The following GADD45G variants were observed in gnomAD, a reference collection of about 807,000 sequenced individuals.
GADD45G encodes the protein growth arrest and DNA damage inducible gamma.
GADD45G carries 7 observed loss-of-function variants against 17.3 expected under a neutral mutation model. The ratio of observed to expected loss-of-function variants is 0.41; its 90% CI spans 0.23 to 0.76. The LOEUF (loss-of-function observed/expected upper bound fraction) is 0.76, where lower values mean the gene tolerates loss of function less well. Ranked by LOEUF, GADD45G falls within the 30% of genes least tolerant of loss-of-function variation. The probability of loss-of-function intolerance (pLI) is 0.34; values close to 1 mark genes in which losing one functional copy is unlikely to be tolerated. For missense variants in GADD45G, 149 were observed against 219.2 expected (o/e 0.68, Z 2.02); for synonymous variants, 93 against 94.9 (o/e 0.98, Z 0.12).
In GADD45G at chr9:89,605,396, G is replaced by A. The variant is rs1468538323; in HGVS notation, c.54-36G>A. ...GGCTGGGGTCTCCGCCGCGCCCTCC[G>A]GCCGGCTCCCGCTCACTGCGCTGGC... On this transcript the variant is annotated intron_variant, in intron 1 of 3. Transcript: ENST00000252506. 5 of 1,484,174 alleles carry A rather than the reference G, an allele frequency of 3.4e-6. No individual in the cohort carries two copies. The Admixed American group carries it at 5.9e-5, about 18-fold the overall frequency. 91.9% of individuals were successfully genotyped at this position (1,484,174 alleles called of 1,614,324 possible). A position where few individuals can be genotyped will look rare whatever the true frequency, so the allele number is the denominator to read the frequency against.
chr9:89,606,200 G>C lies in GADD45G; in HGVS notation c.*121G>C, dbSNP rs370717452. The C allele has an allele frequency of 9.5e-5, 71 of 749,896 alleles. No individual in the cohort carries two copies. The highest frequency in any genetic ancestry group is 7.3e-5 in the Admixed American group (3 of 41,070). 46.5% of individuals were successfully genotyped at this position (749,896 alleles called of 1,614,324 possible). The stretch of plus-strand genomic sequence containing the variant: ...AGTGCGGCGTGGAGACTGGCAGGCG[G>C]GGGGGGCGCCTGGAGAGCGAGGAGG... On this transcript the variant is annotated 3_prime_UTR_variant, in exon 4 of 4. Coordinates refer to ENST00000252506, the MANE Select transcript of GADD45G (RefSeq NM_006705.4).
Position 89,605,510 on chromosome 9 carries a change from C to G in GADD45G, c.132C>G (p.Tyr44Ter). Reference sequence around the variant, plus strand: ...AGGGCTGCCTCACTGCCGGCGTCTACGAGTCAGCCAAAGTCTTGAACGTGT... The same window carrying G: ...AGGGCTGCCTCACTGCCGGCGTCTAGGAGTCAGCCAAAGTCTTGAACGTGT... ...QRQGCLTAGVYESAKVLNVDP... is the reference protein window; with the variant it reads ...QRQGCLTAGV The change falls in exon 2 of 4, where the codon TAC becomes TAG. Residue 44 changes from tyrosine (Y) to a stop codon, truncating the protein, a stop_gained. Transcript: ENST00000252506. LOFTEE classifies it high-confidence loss of function. 1 of 1,562,242 alleles carries G rather than the reference C, an allele frequency of 6.4e-7. No homozygotes were observed. Among genetic ancestry groups the G allele is most frequent in the Non-Finnish European group, 8.7e-7 (1 of 1,152,330 alleles).
rs527819772 is a variant in GADD45G at position 89,605,078 on chromosome 9, C to A, written c.-44C>A. On this transcript the variant is annotated 5_prime_UTR_variant, in exon 1 of 4. Coordinates refer to ENST00000252506, the MANE Select transcript of GADD45G (RefSeq NM_006705.4). ...TCAGTGTGTTCGCCCGCGTCCCCTCCGCGCTCTCCGCTTGTGGATAACTAG... is the reference window on the plus strand; with the variant it reads ...TCAGTGTGTTCGCCCGCGTCCCCTCAGCGCTCTCCGCTTGTGGATAACTAG... 5.2e-6 allele frequency: 8 copies of A among 1,552,350 alleles called. No homozygotes were observed. The South Asian group carries it at 9.0e-5, about 18-fold the overall frequency.
At position 89,606,477 on chromosome 9, in the gene GADD45G, C is replaced by T. The variant is rs906869197; in HGVS notation, c.*398C>T. The stretch of plus-strand genomic sequence containing the variant: ...AGCCGACTGCGCTGCTTTTTCAAAA[C>T]GGATCCGGGCAATGCTTCGTTTTCT... On this transcript the variant is annotated 3_prime_UTR_variant, in exon 4 of 4. Coordinates refer to ENST00000252506, the MANE Select transcript of GADD45G (RefSeq NM_006705.4). 8.7e-6 allele frequency: 2 copies of T among 230,422 alleles called. No individual in the cohort carries two copies. Among genetic ancestry groups the T allele is most frequent in the Admixed American group, 5.1e-5 (1 of 19,590 alleles). 14.3% of individuals were successfully genotyped at this position (230,422 alleles called of 1,614,324 possible).
chr9:89,605,852 C>T lies in GADD45G; in HGVS notation c.341C>T (p.Pro114Leu). ...GGCGCCGGCGAGGAGGCGGGTGCGC[C>T]GGGCGACCTGCACTGCATCCTCATT... The part of the protein sequence containing the change: ...IVGAGEEAGA[P>L]GDLHCILISN... The change falls in exon 3 of 4, where the codon CCG becomes CTG. Residue 114 changes from proline (P) to leucine (L), a missense_variant. Physicochemically the swap from Pro to Leu is moderately conservative, Grantham distance 98. Transcript: ENST00000252506. 2 of 1,612,264 alleles carry T rather than the reference C, an allele frequency of 1.2e-6. No individual in the cohort carries two copies. The highest frequency in any genetic ancestry group is 8.5e-7 in the Non-Finnish European group (1 of 1,179,328).
At position 89,605,892 on chromosome 9, in the gene GADD45G, C is replaced by CCCGTCCT. The variant is rs942749668; in HGVS notation, c.369+13_369+19dup. The stretch of plus-strand genomic sequence containing the variant: ...GCATCCTCATTTCGGTGAGTACAGT[C>CCCGTCCT]CCGTCCTGTCCCCGCCCCAGTGTCG... On this transcript the variant is annotated intron_variant, in intron 3 of 3. Transcript: ENST00000252506. 6.3e-7 allele frequency: 1 copy of CCCGTCCT among 1,596,034 alleles called. No individual in the cohort carries two copies. The highest frequency in any genetic ancestry group is 1.3e-5 in the African/African-American group (1 of 74,630).
Position 89,605,786 on chromosome 9 carries a change from T to A in GADD45G, c.275T>A (p.Ile92Lys). The A allele has an allele frequency of 6.2e-7, 1 of 1,613,970 alleles. No individual in the cohort carries two copies. The highest frequency in any genetic ancestry group is 8.5e-7 in the Non-Finnish European group (1 of 1,179,958). The change falls in exon 3 of 4, where the codon ATA becomes AAA. Residue 92 changes from isoleucine (I) to lysine (K), a missense_variant. Ile to Lys is a moderately radical substitution (Grantham distance 102, BLOSUM62 -3). Transcript: ENST00000252506. ...TTCTGCTGCGAGAACGACATCGACA[T>A]AGTGCGCGTGGGCGATGTGCAGCGG... ...QAFCCENDIDIVRVGDVQRLA... is the reference protein window; with the variant it reads ...QAFCCENDIDKVRVGDVQRLA...
rs1253098502 is a variant in GADD45G at position 89,606,279 on chromosome 9, G to A, written c.*200G>A. ...CGGCAGGGCCAGGCTGGTCCGAGCT[G>A]AGGACTCTGCAAGTGTCTGGAGCGG... On this transcript the variant is annotated 3_prime_UTR_variant, in exon 4 of 4. Transcript: ENST00000252506. The A allele has an allele frequency of 3.3e-6, 2 of 602,416 alleles. No individual in the cohort carries two copies. Among genetic ancestry groups the A allele is most frequent in the African/African-American group, 3.7e-5 (2 of 53,604 alleles). 37.3% of individuals were successfully genotyped at this position (602,416 alleles called of 1,614,324 possible). A position where few individuals can be genotyped will look rare whatever the true frequency, so the allele number is the denominator to read the frequency against.
At chr9:89,605,606 G>T (rs1409401485) in intron 2 of GADD45G, 61 bp from the exon 3 acceptor site, 2 of 1,558,072 alleles carry the variant, frequency 1.3e-6, no homozygotes, top group Non-Finnish European at 1.7e-6. Context: ...GGATGGGAGG[G>T]GTGGCGGCGG....
In GADD45G at chr9:89,605,980, G is replaced by A. The variant is rs1165372038; in HGVS notation, c.381G>A (p.Glu127=). Residue 127 remains glutamate, a synonymous_variant, in exon 4 of 4, where the codon GAG becomes GAA. Transcript: ENST00000252506. The part of the protein sequence containing the change: ...LHCILISNPN[E]DAWKDPALEK... The stretch of plus-strand genomic sequence containing the variant: ...CTCTCTCTCCGCAGAACCCCAACGA[G>A]GACGCCTGGAAGGATCCCGCCTTGG... 10 of 1,613,046 alleles carry A rather than the reference G, an allele frequency of 6.2e-6. No homozygotes were observed. The highest frequency in any genetic ancestry group is 8.5e-6 in the Non-Finnish European group (10 of 1,179,476).
At chr9:89,605,265 G>C in intron 1 of GADD45G, 91 bp downstream of exon 1, 4 of 1,254,502 alleles carry the variant, frequency 3.2e-6, no homozygotes, top group Non-Finnish European at 4.6e-6. Context: ...AGGGGAGCGC[G>C]GGGGTCCGGG....
chr9:89,605,848 G>C lies in GADD45G; in HGVS notation c.337G>C (p.Ala113Pro). 6.2e-7 allele frequency: 1 copy of C among 1,612,346 alleles called. No homozygotes were observed. Among genetic ancestry groups the C allele is most frequent in the Non-Finnish European group, 8.5e-7 (1 of 1,179,370 alleles). Residue 113 changes from alanine to proline, a missense_variant, in exon 3 of 4, where the codon GCG becomes CCG. Around this residue, in one of 3 missense-constraint regions of GADD45G, gnomAD observed 73 missense variants for 84.3 expected, o/e 0.87. Transcript: ENST00000252506. ...AIVGAGEEAGAPGDLHCILIS... is the reference protein window; with the variant it reads ...AIVGAGEEAGPPGDLHCILIS... ...CGTGGGCGCCGGCGAGGAGGCGGGT[G>C]CGCCGGGCGACCTGCACTGCATCCT...
intron 1 of GADD45G, 89 bp downstream of exon 1, chr9:89,605,263 G>T: frequency 7.9e-7 from 1 of 1,269,556 alleles, no homozygotes; most frequent in Non-Finnish European, 1.1e-6. Flanking sequence ...GGAGGGGAGC[G>T]CGGGGGTCCG....
rs576653923 is a variant in GADD45G, at chr9:89,606,254, C to T, written c.*175C>T. On this transcript the variant is annotated 3_prime_UTR_variant, in exon 4 of 4. Transcript: ENST00000252506. ...GGCCTCCCGAGGAGGGGCCCGGTGG[C>T]GGCAGGGCCAGGCTGGTCCGAGCTG... is the stretch of plus-strand genomic sequence containing the variant. The T allele has an allele frequency of 6.3e-5, 39 of 620,622 alleles. No homozygotes were observed. The Admixed American group carries it at 8.4e-4, about 13-fold the overall frequency. 38.4% of individuals were successfully genotyped at this position (620,622 alleles called of 1,614,324 possible). A position where few individuals can be genotyped will look rare whatever the true frequency, so the allele number is the denominator to read the frequency against.
At position 89,606,238 on chromosome 9, in the gene GADD45G, A is replaced by T. The variant is rs1227357879; in HGVS notation, c.*159A>T. ...GAGAGCGAGGAGGCGCGGCCTCCCG[A>T]GGAGGGGCCCGGTGGCGGCAGGGCC... On this transcript the variant is annotated 3_prime_UTR_variant, in exon 4 of 4. Transcript: ENST00000252506. The T allele has an allele frequency of 1.1e-5, 7 of 636,582 alleles. No homozygotes were observed. Among genetic ancestry groups the T allele is most frequent in the Non-Finnish European group, 2.0e-5 (7 of 357,360 alleles). 39.4% of individuals were successfully genotyped at this position (636,582 alleles called of 1,614,324 possible).
intron 1 of GADD45G, 111 bp downstream of exon 1, chr9:89,605,285 C>A: frequency 1.7e-6 from 2 of 1,167,030 alleles, no homozygotes; most frequent in Non-Finnish European, 2.5e-6. Flanking sequence ...GCGCCAGATC[C>A]CGGTTGGAGA....
rs1827526367 is a variant in GADD45G at position 89,606,326 on chromosome 9, G to A, written c.*247G>A. ...GCGGCTGCTCGCCCAGGAAGGCCTA[G>A]GCTAGGACGTTGGCCTCAGGGCCAG... is the stretch of plus-strand genomic sequence containing the variant. On this transcript the variant is annotated 3_prime_UTR_variant, in exon 4 of 4. Coordinates refer to ENST00000252506, the MANE Select transcript of GADD45G (RefSeq NM_006705.4). 1.8e-6 allele frequency: 1 copy of A among 555,142 alleles called. No individual in the cohort carries two copies. Among genetic ancestry groups the A allele is most frequent in the African/African-American group, 1.9e-5 (1 of 52,238 alleles). The allele number at this position is 555,142 out of a possible 1,614,324, so 34.4% of individuals were successfully genotyped here.
rs956627835 is a variant in GADD45G at position 89,605,865 on chromosome 9, C to T, written c.354C>T (p.His118=). ...AGGCGGGTGCGCCGGGCGACCTGCA[C>T]TGCATCCTCATTTCGGTGAGTACAG... ...GEEAGAPGDL[H]CILISNPNED... Residue 118 remains histidine (H), a synonymous_variant, in exon 3 of 4, where the codon CAC becomes CAT. Transcript: ENST00000252506. The T allele has an allele frequency of 2.5e-6, 4 of 1,611,294 alleles. No individual in the cohort carries two copies. The highest frequency in any genetic ancestry group is 1.7e-5 in the Admixed American group (1 of 59,764).
In GADD45G at chr9:89,605,718, G is replaced by C; in HGVS notation, c.207G>C (p.Glu69Asp). ...TGCTGGCTGCGGGTGAGGAGGACGA[G>C]GGCGACATCGCGCTGCAGATCCATT... Reference protein sequence around the residue: ...FCVLAAGEEDEGDIALQIHFT... With the variant: ...FCVLAAGEEDDGDIALQIHFT... Residue 69 changes from glutamate to aspartate, a missense_variant, in exon 3 of 4, where the codon GAG becomes GAC. By Grantham distance (45) the Glu-to-Asp change is conservative. Transcript: ENST00000252506. 1 of 1,614,098 alleles carries C rather than the reference G, an allele frequency of 6.2e-7. No individual in the cohort carries two copies. The highest frequency in any genetic ancestry group is 8.5e-7 in the Non-Finnish European group (1 of 1,180,002).
Sources: allele counts gnomAD v4.1 joint callset, GRCh38; gene constraint gnomAD v4.1.1; regional missense constraint gnomAD v4.1.1; transcripts MANE v1.5; gene names NCBI Gene and HGNC (gene_info 2026-07-23, HGNC 2026-07-21).